Variants in NTN1 observed in about 807,000 individuals in gnomAD.
NTN1 encodes netrin-1.
Under a neutral mutation model 54.2 loss-of-function variants are expected in NTN1, and 11 were observed. The ratio of observed to expected loss-of-function variants is 0.20; its 90% CI spans 0.13 to 0.34. The LOEUF (loss-of-function observed/expected upper bound fraction) is 0.34, where lower values mean the gene tolerates loss of function less well. Among genes scored for constraint, NTN1 ranks in the 10% least tolerant of loss-of-function variants. NTN1 has a pLI of 1.00. For missense variants in NTN1, 740 were observed against 893.1 expected, an observed-to-expected ratio of 0.83 and a Z score of 2.18; for synonymous variants, 371 against 382.0, an observed-to-expected ratio of 0.97 and a Z score of 0.33.
chr17:9,233,292 G>A (rs1201162552), intron 6 of NTN1, among the ~76,000 whole-genome samples: 2 of 152,100 alleles, frequency 1.3e-5, no homozygotes, highest in African/African-American at 2.4e-5. Flanking sequence ...GGCCCAGCCT[G>A]CAAGTTGTTT....
chr17:9,133,160 C>A (rs1184574385), intron 2 of NTN1, among the ~76,000 whole-genome samples: 1 of 152,198 alleles, frequency 6.6e-6, no homozygotes, highest in Non-Finnish European at 1.5e-5. Flanking sequence ...CTTTCCCTGT[C>A]AGGGATCTCT....
At chr17:9,084,656 T>G (rs923757811) in intron 2 of NTN1, among the ~76,000 whole-genome samples, 1 of 142,916 alleles carries the variant, frequency 7.0e-6, no homozygotes, top group South Asian at 2.4e-4. Flanking sequence ...TTTTTTTTTT[T>G]TTTTTTTTTT....
At chr17:9,046,050 G>GAAAAAA (rs1300487345) in intron 2 of NTN1, among the ~76,000 whole-genome samples, 66 of 152,214 alleles carry the variant, frequency 4.3e-4, no homozygotes, top group African/African-American at 1.6e-3. Context: ...ACATAAATTG[G>GAAAAAA]ACTTTATCAA....
At chr17:9,125,040 G>A (rs1478609873) in intron 2 of NTN1, among the ~76,000 whole-genome samples, 1 of 152,064 alleles carries the variant, frequency 6.6e-6, no homozygotes, top group Non-Finnish European at 1.5e-5. Flanking sequence ...TAGCACGCGG[G>A]GAGCTCCATG....
intron 5 of NTN1, among the ~76,000 whole-genome samples, chr17:9,200,357 C>T (rs1053141044): frequency 1.3e-5 from 2 of 152,226 alleles, no homozygotes; most frequent in Admixed American, 1.3e-4. Flanking sequence ...ATGCAGCGCC[C>T]GAATGGCTTC....
chr17:9,042,289 C>A (rs1197341157), intron 2 of NTN1, among the ~76,000 whole-genome samples: 2 of 152,070 alleles, frequency 1.3e-5, no homozygotes, highest in South Asian at 2.1e-4. Flanking sequence ...TTATTCTTTA[C>A]TAACATTTTA....
intron 6 of NTN1, among the ~76,000 whole-genome samples, chr17:9,224,992 T>A (rs188560436): frequency 3.7e-4 from 56 of 152,244 alleles, no homozygotes; most frequent in Admixed American, 3.4e-3. Context: ...CTGGGACTCT[T>A]GTGGTCACTT....
At chr17:9,233,293 C>T (rs1007632834) in intron 6 of NTN1, among the ~76,000 whole-genome samples, 4 of 152,104 alleles carry the variant, frequency 2.6e-5, no homozygotes, top group African/African-American at 9.7e-5. Context: ...GCCCAGCCTG[C>T]AAGTTGTTTA....
chr17:9,045,785 T>A (rs1249841049), intron 2 of NTN1, among the ~76,000 whole-genome samples: 1 of 151,766 alleles, frequency 6.6e-6, no homozygotes, highest in East Asian at 1.9e-4. Flanking sequence ...GAAGGACTAA[T>A]AAAATAAACA....
Position 9,092,167 on chromosome 17 carries a change from G to A in NTN1, c.1018+68776G>A, listed in dbSNP as rs147735191. 4.7e-3 allele frequency among the ~76,000 whole-genome samples: 719 copies of A among 152,044 alleles called. 6 individuals are homozygous for A. Among genetic ancestry groups the A allele is most frequent in the African/African-American group, 0.016 (668 of 41,474 alleles). On this transcript the variant is annotated intron_variant, in intron 2 of 6. Coordinates refer to ENST00000173229, the MANE Select transcript of NTN1 (RefSeq NM_004822.3). ...GGCCTCCCAAAGTGCTGAGATTACA[G>A]GTGTGAGCCACCACACCTGGCGACT...
intron 6 of NTN1, among the ~76,000 whole-genome samples, chr17:9,237,457 G>T (rs1906029385): frequency 6.6e-6 from 1 of 152,200 alleles, no homozygotes; most frequent in Non-Finnish European, 1.5e-5. Context: ...AGTCCAGGGG[G>T]TTAAGGTGTA....
At chr17:9,027,800 T>C (rs567983581) in intron 2 of NTN1, among the ~76,000 whole-genome samples, 1 of 152,102 alleles carries the variant, frequency 6.6e-6, no homozygotes, top group Admixed American at 6.6e-5. Context: ...TTCCTGGGGG[T>C]TCTTGGCATC....
intron 2 of NTN1, among the ~76,000 whole-genome samples, chr17:9,064,559 T>G (rs1377206395): frequency 1.3e-5 from 2 of 152,226 alleles, no homozygotes; most frequent in Non-Finnish European, 2.9e-5. Context: ...CCTCCCTGAG[T>G]CTGATGAGTA....
the NTN1 span, among the ~76,000 whole-genome samples, chr17:9,013,464 C>A: frequency 6.6e-6 from 1 of 152,170 alleles, no homozygotes; most frequent in South Asian, 2.1e-4. Context: ...GATCTGCCCT[C>A]CTCGGCCTCC....
intron 3 of NTN1, chr17:9,174,184 G>A (rs1166035774): frequency 6.6e-6 from 1 of 152,322 alleles, no homozygotes; most frequent in Non-Finnish European, 1.5e-5. Flanking sequence ...CATGGAAGCT[G>A]AGAGCTGCTC....
intron 3 of NTN1, 150 bp downstream of exon 3, chr17:9,163,151 C>T (rs2092363062): frequency 5.1e-5 from 1 of 19,550 alleles, no homozygotes; most frequent in Non-Finnish European, 7.0e-5. Flanking sequence ...CTCTGTGACA[C>T]ACACACACAC....
Position 9,095,724 on chromosome 17 carries a change from T to A in NTN1, c.1019-67089T>A, listed in dbSNP as rs149020076. ...TGATCAACTTAAAAAATAATTCCTC[T>A]GTGCTTCTGATTGAAATGGCTTTAA... On this transcript the variant is annotated intron_variant, in intron 2 of 6. Coordinates refer to ENST00000173229, the MANE Select transcript of NTN1 (RefSeq NM_004822.3). Among the ~76,000 whole-genome samples the A allele has an allele frequency of 6.1e-3, 928 of 152,342 alleles. 29 individuals carry two copies. Among genetic ancestry groups the A allele is most frequent in the Admixed American group, 0.05 (769 of 15,294 alleles).
In NTN1 at chr17:9,106,461, CT is replaced by C. The variant is rs1225728326; in HGVS notation, c.1019-56350del. 2.8e-5 allele frequency among the ~76,000 whole-genome samples: 3 copies of C among 105,536 alleles called. No individual in the cohort carries two copies. In the East Asian group the frequency reaches 6.3e-4, roughly 22 times the overall value. 69.2% of individuals were successfully genotyped at this position (105,536 alleles called of 152,430 possible). A position where few individuals can be genotyped will look rare whatever the true frequency, so the allele number is the denominator to read the frequency against. On this transcript the variant is annotated intron_variant, in intron 2 of 6. Coordinates refer to ENST00000173229, the MANE Select transcript of NTN1 (RefSeq NM_004822.3). ...TGGCAAAATGGCATTTCCTTCCTTC[CT>C]TCCTCCCTTCCTTCCTTCCTTCCTT...
At chr17:9,114,609 T>C (rs113783721) in intron 2 of NTN1, among the ~76,000 whole-genome samples, 18,671 of 151,812 alleles carry the variant, frequency 0.12, 1,225 homozygotes, top group African/African-American at 0.14. Context: ...AAACATTAGC[T>C]GGGTGTGGTG....
Sources: allele counts gnomAD v4.1 joint callset (sites outside exome capture counted in the v4.1 genomes callset), GRCh38; gene constraint gnomAD v4.1.1; transcripts MANE v1.5; gene names NCBI Gene and HGNC (gene_info 2026-07-23, HGNC 2026-07-21).